Variants in APBA1 observed in about 807,000 individuals in gnomAD.
The protein encoded by APBA1 is amyloid beta precursor protein binding family A member 1.
A neutral mutation model predicts 86.6 loss-of-function variants in APBA1; 55 were observed. The ratio of observed to expected loss-of-function variants is 0.64; its 90% CI spans 0.51 to 0.80. The LOEUF (loss-of-function observed/expected upper bound fraction) is 0.80. Ranked by LOEUF, APBA1 falls within the 30% of genes least tolerant of loss-of-function variation. The probability of loss-of-function intolerance (pLI) is 0.00; values close to 1 mark genes in which losing one functional copy is unlikely to be tolerated. For missense variants in APBA1, 1,090 were observed against 1,183.0 expected, an observed-to-expected ratio of 0.92 and a Z score of 1.15; for synonymous variants, 511 against 493.9, an observed-to-expected ratio of 1.03 and a Z score of -0.46.
chr9:69,471,781 AATAC>A, intron 3 of APBA1, 86 bp from the exon 4 acceptor site: 1 of 1,102,892 alleles, frequency 9.1e-7, no homozygotes, highest in South Asian at 1.3e-5. Context: ...ATGAAAAATA[AATAC>A]ATAATCAGTG....
intron 2 of APBA1, among the ~76,000 whole-genome samples, chr9:69,514,990 C>T (rs561493879): frequency 6.6e-6 from 1 of 152,342 alleles, no homozygotes; most frequent in Non-Finnish European, 1.5e-5. Flanking sequence ...AGAGGGCACA[C>T]TACCCATCCC....
chr9:69,481,743 C>A (rs62567180), intron 2 of APBA1, among the ~76,000 whole-genome samples: 60,761 of 147,326 alleles, frequency 0.41, 13,854 homozygotes, highest in African/African-American at 0.6. Flanking sequence ...ACAGTAACCA[C>A]AACAGCATGG....
chr9:69,598,739 A>G (rs1193730680), intron 1 of APBA1, among the ~76,000 whole-genome samples: 3 of 152,172 alleles, frequency 2.0e-5, no homozygotes, highest in African/African-American at 7.2e-5. Flanking sequence ...ACCTGTGGGG[A>G]GATGGAAAAG....
intron 1 of APBA1, among the ~76,000 whole-genome samples, chr9:69,565,686 C>T (rs906933474): frequency 1.3e-5 from 2 of 152,200 alleles, no homozygotes; most frequent in Non-Finnish European, 2.9e-5. Flanking sequence ...TCTCCGCGTC[C>T]AGTCAATTGT....
At chr9:69,471,456 G>A (rs1178762192) in intron 4 of APBA1, among the ~76,000 whole-genome samples, 200 bp downstream of exon 4, 1 of 152,184 alleles carries the variant, frequency 6.6e-6, no homozygotes, top group Middle Eastern at 3.2e-3. Flanking sequence ...CACATAATGA[G>A]CAAAGACGTG....
intron 1 of APBA1, among the ~76,000 whole-genome samples, chr9:69,596,485 A>G (rs1822232807): frequency 6.6e-6 from 1 of 152,198 alleles, no homozygotes; most frequent in Non-Finnish European, 1.5e-5. Flanking sequence ...TCTTTTATAT[A>G]AAAATCCAGA....
chr9:69,640,643 A>C (rs1282161356), intron 1 of APBA1, among the ~76,000 whole-genome samples: 1 of 152,026 alleles, frequency 6.6e-6, no homozygotes, highest in Non-Finnish European at 1.5e-5. Context: ...GAAGACAGAA[A>C]CTGACCTTTC....
intron 1 of APBA1, among the ~76,000 whole-genome samples, chr9:69,578,954 A>G (rs1821860685): frequency 6.6e-6 from 1 of 152,220 alleles, no homozygotes. Context: ...TGGGTTGTCA[A>G]AAACTGCACT....
At chr9:69,491,915 C>T (rs149697897) in intron 2 of APBA1, among the ~76,000 whole-genome samples, 1 of 151,990 alleles carries the variant, frequency 6.6e-6, no homozygotes, top group African/African-American at 2.4e-5. Flanking sequence ...AAGGCATCCA[C>T]CACCACACCC....
intron 1 of APBA1, among the ~76,000 whole-genome samples, chr9:69,517,824 T>G (rs919272030): frequency 1.3e-5 from 2 of 152,204 alleles, no homozygotes; most frequent in Non-Finnish European, 2.9e-5. Flanking sequence ...TGGCTTAATT[T>G]TCTGGACCTC....
At position 69,482,475 on chromosome 9, in the gene APBA1, G is replaced by A. The variant is rs867850640; in HGVS notation, c.1201-6332C>T. On this transcript the variant is annotated intron_variant, in intron 2 of 12. Coordinates refer to ENST00000265381, the MANE Select transcript of APBA1 (RefSeq NM_001163.4). ...AATCATTAAAAAGTCAGGAAACAAT[G>A]GGTGCTGGAGAGGATGTGGAGAAAC... 2.5e-3 allele frequency among the ~76,000 whole-genome samples: 378 copies of A among 150,962 alleles called. 2 individuals carry two copies. Among genetic ancestry groups the A allele is most frequent in the Non-Finnish European group, 4.4e-3 (299 of 67,752 alleles).
intron 1 of APBA1, among the ~76,000 whole-genome samples, chr9:69,649,529 C>G (rs971165360): frequency 6.6e-6 from 1 of 152,108 alleles, no homozygotes; most frequent in Non-Finnish European, 1.5e-5. Context: ...TGGCACTTAT[C>G]GGTGGGTGAT....
chr9:69,591,191 C>T (rs983358918), intron 1 of APBA1, among the ~76,000 whole-genome samples: 2 of 152,166 alleles, frequency 1.3e-5, no homozygotes, highest in South Asian at 4.1e-4. Context: ...CTGATGATGT[C>T]CAGTTAACTG....
intron 1 of APBA1, among the ~76,000 whole-genome samples, chr9:69,646,248 G>A (rs1276802283): frequency 6.6e-6 from 1 of 152,076 alleles, no homozygotes; most frequent in Admixed American, 6.5e-5. Flanking sequence ...CATTATCTTG[G>A]GGTAGTGGGT....
At chr9:69,656,894 G>C (rs555796974) in intron 1 of APBA1, among the ~76,000 whole-genome samples, 2 of 147,358 alleles carry the variant, frequency 1.4e-5, no homozygotes, top group Non-Finnish European at 3.0e-5. Flanking sequence ...GCCGGACTGC[G>C]GACTGCAGTG....
chr9:69,439,360 T>C (rs1326204396), intron 11 of APBA1, among the ~76,000 whole-genome samples: 1 of 151,294 alleles, frequency 6.6e-6, no homozygotes, highest in Non-Finnish European at 1.5e-5. Context: ...CTGGATAATA[T>C]CCTGCAGAGT....
chr9:69,447,938 T>C (rs1005786065), intron 10 of APBA1, among the ~76,000 whole-genome samples: 4 of 152,214 alleles, frequency 2.6e-5, no homozygotes, highest in East Asian at 1.9e-4. Context: ...GCAGTTCTCA[T>C]GCATGCACCC....
chr9:69,656,134 C>T (rs990969133), intron 1 of APBA1, among the ~76,000 whole-genome samples: 7 of 152,154 alleles, frequency 4.6e-5, no homozygotes, highest in Admixed American at 6.5e-5. Context: ...GTGCTATCAC[C>T]AACGTGGAAC....
chr9:69,449,001 G>A (rs1277274368), intron 10 of APBA1, among the ~76,000 whole-genome samples: 1 of 152,190 alleles, frequency 6.6e-6, no homozygotes, highest in African/African-American at 2.4e-5. Flanking sequence ...AGTTCAGGTT[G>A]AGCAGGAAGT....
Sources: allele counts gnomAD v4.1 joint callset (sites outside exome capture counted in the v4.1 genomes callset), GRCh38; gene constraint gnomAD v4.1.1; transcripts MANE v1.5; gene names NCBI Gene and HGNC (gene_info 2026-07-23, HGNC 2026-07-21).